Variants in CNTN4 observed in about 807,000 individuals in gnomAD.
The protein encoded by CNTN4 is contactin-4.
Under a neutral mutation model 122.5 loss-of-function variants are expected in CNTN4, and 77 were observed. The ratio of observed to expected loss-of-function variants is 0.63; its 90% CI spans 0.52 to 0.76. CNTN4 has a LOEUF of 0.76. Among genes scored for constraint, CNTN4 ranks in the 30% least tolerant of loss-of-function variants. The pLI is 0.00. For missense variants in CNTN4, 1,256 were observed against 1,259.1 expected, an observed-to-expected ratio of 1.00 and a Z score of 0.04; for synonymous variants, 512 against 447.0, an observed-to-expected ratio of 1.15 and a Z score of -1.83.
intron 3 of CNTN4, among the ~76,000 whole-genome samples, chr3:2,406,086 A>G (rs1328715456): frequency 6.6e-6 from 1 of 152,122 alleles, no homozygotes; most frequent in African/African-American, 2.4e-5. Flanking sequence ...ATTGTTGCAG[A>G]TGAGATACAC....
chr3:2,766,638 G>A (rs760668435), intron 6 of CNTN4, among the ~76,000 whole-genome samples: 8 of 152,084 alleles, frequency 5.3e-5, no homozygotes, highest in Non-Finnish European at 1.0e-4. Flanking sequence ...TACAAATTGG[G>A]TTCAGCGTAT....
chr3:2,292,655 A>C (rs2042175213), intron 2 of CNTN4, among the ~76,000 whole-genome samples: 1 of 152,168 alleles, frequency 6.6e-6, no homozygotes, highest in Non-Finnish European at 1.5e-5. Context: ...AGAATTTCTT[A>C]TAAATAGAAG....
At chr3:2,794,216 C>A (rs1559510108) in intron 6 of CNTN4, among the ~76,000 whole-genome samples, 1 of 152,110 alleles carries the variant, frequency 6.6e-6, no homozygotes, top group Non-Finnish European at 1.5e-5. Flanking sequence ...TCTACATCTG[C>A]AAAAAATGTC....
At chr3:2,903,381 T>G (rs545214310) in intron 12 of CNTN4, among the ~76,000 whole-genome samples, 1 of 152,238 alleles carries the variant, frequency 6.6e-6, no homozygotes, top group Non-Finnish European at 1.5e-5. Flanking sequence ...TTTGAACAGC[T>G]GACAGAATAA....
chr3:2,738,711 G>A (rs1381377993), intron 5 of CNTN4, among the ~76,000 whole-genome samples: 3 of 152,052 alleles, frequency 2.0e-5, no homozygotes, highest in African/African-American at 7.2e-5. Flanking sequence ...TGTCTATATG[G>A]TTAAAGAAAT....
chr3:2,723,526 C>A (rs975721183), intron 4 of CNTN4, among the ~76,000 whole-genome samples: 3 of 152,136 alleles, frequency 2.0e-5, no homozygotes, highest in African/African-American at 7.2e-5. Context: ...TTATTGCGTC[C>A]TCCAGAGGGG....
intron 2 of CNTN4, among the ~76,000 whole-genome samples, chr3:2,275,162 C>G (rs17011599): frequency 0.011 from 1,736 of 152,288 alleles, 32 homozygotes; most frequent in African/African-American, 0.04. Context: ...ATAATGTTTA[C>G]TGCTGTAAGT....
intron 2 of CNTN4, among the ~76,000 whole-genome samples, chr3:2,169,481 A>G (rs1024321199): frequency 6.6e-6 from 1 of 151,838 alleles, no homozygotes; most frequent in Admixed American, 6.6e-5. Flanking sequence ...ATCTCGGCTC[A>G]CTGCAAGCTC....
intron 13 of CNTN4, among the ~76,000 whole-genome samples, chr3:2,956,924 G>A (rs780550466): frequency 1.3e-5 from 2 of 152,078 alleles, no homozygotes; most frequent in African/African-American, 2.4e-5. Flanking sequence ...ATTTCACTTA[G>A]CATAACATCC....
intron 4 of CNTN4, among the ~76,000 whole-genome samples, chr3:2,734,006 A>G (rs1559444295): frequency 6.6e-6 from 1 of 152,114 alleles, no homozygotes; most frequent in East Asian, 1.9e-4. Context: ...ATGTGTAGGT[A>G]CATGTGTGTT....
chr3:2,588,076 T>C (rs1452209474), intron 4 of CNTN4, among the ~76,000 whole-genome samples: 1 of 152,212 alleles, frequency 6.6e-6, no homozygotes, highest in Non-Finnish European at 1.5e-5. Flanking sequence ...TAATTATGTT[T>C]TTTTTTTACT....
intron 13 of CNTN4, among the ~76,000 whole-genome samples, chr3:2,940,792 T>G (rs1272008186): frequency 2.0e-5 from 3 of 152,158 alleles, no homozygotes; most frequent in African/African-American, 4.8e-5. Flanking sequence ...CTCAATAATA[T>G]GAGAGTCAAG....
chr3:2,964,293 A>G (rs959292911), intron 13 of CNTN4, among the ~76,000 whole-genome samples: 1 of 152,214 alleles, frequency 6.6e-6, no homozygotes, highest in Non-Finnish European at 1.5e-5. Flanking sequence ...CTAGTTCTGC[A>G]TAAGAAAATT....
chr3:2,574,114 G>A (rs2079551949), intron 4 of CNTN4, among the ~76,000 whole-genome samples: 1 of 152,184 alleles, frequency 6.6e-6, no homozygotes, highest in African/African-American at 2.4e-5. Flanking sequence ...TACTTGGGAG[G>A]CTAAGGCAGG....
In CNTN4 at chr3:2,754,048, T is replaced by C. The variant is rs192880242; in HGVS notation, c.358+8351T>C. 1.2e-4 allele frequency among the ~76,000 whole-genome samples: 18 copies of C among 152,320 alleles called. No individual in the cohort carries two copies. The East Asian group carries it at 2.9e-3, about 24-fold the overall frequency. The stretch of plus-strand genomic sequence containing the variant: ...TATTTTATGGTGAATAACTGGTTGG[T>C]AAACTGTTTATCCCCAAGCAGTAAA... On this transcript the variant is annotated intron_variant, in intron 6 of 24. Coordinates refer to ENST00000418658, the MANE Select transcript of CNTN4 (RefSeq NM_175607.3).
chr3:2,907,922 G>A (rs1321300397), intron 12 of CNTN4, among the ~76,000 whole-genome samples: 1 of 152,200 alleles, frequency 6.6e-6, no homozygotes, highest in Non-Finnish European at 1.5e-5. Flanking sequence ...TATATTGGTA[G>A]GCCTGGTTAT....
chr3:2,927,986 T>C (rs1295214311), intron 13 of CNTN4, among the ~76,000 whole-genome samples: 2 of 152,164 alleles, frequency 1.3e-5, no homozygotes, highest in Non-Finnish European at 2.9e-5. Flanking sequence ...ATTTTGTTAA[T>C]GTAAATGCAT....
At position 2,935,024 on chromosome 3, in the gene CNTN4, AGTGTTTAGGGAGATTG is replaced by A. The variant is rs1485494197; in HGVS notation, c.1358+9252_1358+9267del. Among the ~76,000 whole-genome samples, 10 of 152,340 alleles carry A rather than the reference AGTGTTTAGGGAGATTG, an allele frequency of 6.6e-5. No individual in the cohort carries two copies. In the South Asian group the frequency reaches 2.1e-3, roughly 32 times the overall value. ...AGCTCTCCTGAAGTGCAGTTGCAAA[AGTGTTTAGGGAGATTG>A]GTGTTTTAAAAATGTTTGTCAGAAT... On this transcript the variant is annotated intron_variant, in intron 13 of 24. Transcript: ENST00000418658.
chr3:2,389,933 G>A (rs192510363), intron 3 of CNTN4, among the ~76,000 whole-genome samples: 1,648 of 152,246 alleles, frequency 0.011, 32 homozygotes, highest in African/African-American at 0.038. Flanking sequence ...AAAAGATAAA[G>A]CTTGAGGAAC....
Sources: gnomAD v4.1 joint callset for allele counts (sites outside exome capture counted in the v4.1 genomes callset) on GRCh38, gnomAD v4.1.1 for gene constraint, MANE v1.5 for transcripts, NCBI Gene and HGNC (gene_info 2026-07-23, HGNC 2026-07-21) for gene names.